COX7A2L: variants seen among roughly 807,000 people sequenced by gnomAD.
The protein encoded by COX7A2L is cytochrome c oxidase subunit 7A2 like, also known as cytochrome c oxidase subunit 7A2-like, mitochondrial.
A neutral mutation model predicts 14.2 loss-of-function variants in COX7A2L; 18 were observed. The ratio of observed to expected loss-of-function variants is 1.27; its 90% CI spans 0.88 to 1.88. The LOEUF (loss-of-function observed/expected upper bound fraction) is 1.88. Among genes scored for constraint, COX7A2L ranks in the 40% most tolerant of loss-of-function variants. COX7A2L has a pLI of 0.00. For missense variants in COX7A2L, 179 were observed against 138.8 expected (o/e 1.29, Z -1.46); for synonymous variants, 65 against 57.4 (o/e 1.13, Z -0.60).
At chr2:42,364,957 T>C (rs542426805), upstream of COX7A2L, among the ~76,000 whole-genome samples, 24 of 152,318 alleles carry the variant, frequency 1.6e-4, no homozygotes, top group Admixed American at 1.1e-3. Context: ...TATGTGCAAG[T>C]CAAAAGCACA....
At chr2:42,357,570 C>T (rs946565770) in intron 1 of COX7A2L, among the ~76,000 whole-genome samples, 1 of 152,070 alleles carries the variant, frequency 6.6e-6, no homozygotes, top group Admixed American at 6.6e-5. Flanking sequence ...CCCTGGCCTC[C>T]GGAAACACTG....
At chr2:42,353,473 A>G (rs1242747345) in intron 1 of COX7A2L, 130 bp from the exon 2 acceptor site, 2 of 1,229,670 alleles carry the variant, frequency 1.6e-6, no homozygotes, top group Non-Finnish European at 2.3e-6. Context: ...AAACCCTGTC[A>G]AGAACCCCTT....
upstream of COX7A2L, chr2:42,361,353 A>G (rs1671045032): frequency 1.8e-6 from 1 of 566,736 alleles, no homozygotes; most frequent in Non-Finnish European, 3.1e-6. Context: ...GGTTCTCAGG[A>G]CCACGAAAGG....
rs1670330263 is a variant in COX7A2L, at chr2:42,338,417, T to C, written c.193-4548A>G. 6.6e-6 allele frequency among the ~76,000 whole-genome samples: 1 copy of C among 152,114 alleles called. No homozygotes were observed. The highest frequency in any genetic ancestry group is 2.4e-5 in the African/African-American group (1 of 41,420). On this transcript the variant is annotated intron_variant, in intron 2 of 2. Coordinates refer to the COX7A2L transcript ENST00000468711. This position sits in a 1 kb window ranked among gnomAD's most constrained non-coding sequence, Gnocchi z 4.4. The stretch of plus-strand genomic sequence containing the variant: ...TCCCAAGACTGCCGCAGAACTGAGA[T>C]GAGGTGACCAGGCTTTCTCCGAGAG...
At position 42,342,883 on chromosome 2, in the gene COX7A2L, A is replaced by G. The variant is rs144131590; in HGVS notation, c.193-9014T>C. 2.7e-3 allele frequency among the ~76,000 whole-genome samples: 410 copies of G among 152,186 alleles called. 3 individuals are homozygous for G. The highest frequency in any genetic ancestry group is 8.4e-3 in the African/African-American group (348 of 41,522). Reference sequence around the variant, plus strand: ...TGGGCAAGCAGCATCTGGGCCCCCCACCTGCCCATCCCAACACATCCTGCA... The same window carrying G: ...TGGGCAAGCAGCATCTGGGCCCCCCGCCTGCCCATCCCAACACATCCTGCA... On this transcript the variant is annotated intron_variant, in intron 2 of 2. Transcript: ENST00000468711. This position sits in a 1 kb window ranked among gnomAD's most constrained non-coding sequence, Gnocchi z 4.9.
intron 2 of COX7A2L, 22 bp from the exon 3 acceptor site, chr2:42,351,381 G>C: frequency 2.5e-6 from 4 of 1,607,634 alleles, no homozygotes; most frequent in Non-Finnish European, 3.4e-6. Context: ...GAATTAACAA[G>C]GGCATGGTTG....
At chr2:42,363,116 T>G (rs1474308786), upstream of COX7A2L, among the ~76,000 whole-genome samples, 1 of 152,212 alleles carries the variant, frequency 6.6e-6, no homozygotes, top group Admixed American at 6.5e-5. Flanking sequence ...GCTCAAGTGA[T>G]CTGCCAAACT....
At chr2:42,344,365 C>T (rs902962496), downstream of COX7A2L, among the ~76,000 whole-genome samples, 2 of 152,162 alleles carry the variant, frequency 1.3e-5, no homozygotes, top group Non-Finnish European at 2.9e-5. Flanking sequence ...AACATTTACC[C>T]TACTACAACT....
upstream of COX7A2L, among the ~76,000 whole-genome samples, chr2:42,362,940 T>C (rs1259261275): frequency 6.7e-6 from 1 of 148,862 alleles, no homozygotes; most frequent in Non-Finnish European, 1.5e-5. Context: ...AGTGGTGTGA[T>C]CTCGGCTCAT....
In COX7A2L at chr2:42,351,193, AAC is replaced by A; in HGVS notation, c.*24_*25del. The A allele has an allele frequency of 2.5e-6, 4 of 1,595,378 alleles. No individual in the cohort carries two copies. The highest frequency in any genetic ancestry group is 3.4e-6 in the Non-Finnish European group (4 of 1,171,232). On this transcript the variant is annotated 3_prime_UTR_variant, in exon 3 of 3. Coordinates refer to ENST00000234301, the MANE Select transcript of COX7A2L (RefSeq NM_004718.4). ...GAACTTCAAAGGGTTTATGCCAAAA[AAC>A]AAACCAGTCCTCTGCAGCCTAACTC...
At position 42,351,161 on chromosome 2, in the gene COX7A2L, GA is replaced by G. The variant is rs1670629210; in HGVS notation, c.*57del. 8 of 1,497,128 alleles carry G rather than the reference GA, an allele frequency of 5.3e-6. No homozygotes were observed. In the East Asian group the frequency reaches 1.4e-4, roughly 27 times the overall value. The allele number at this position is 1,497,128 out of a possible 1,614,324, so 92.7% of individuals were successfully genotyped here. On this transcript the variant is annotated 3_prime_UTR_variant, in exon 3 of 3. Transcript: ENST00000234301. ...AAAAAAAAAATTTTAATTTAACAAT[GA>G]AAAAGGAACTTCAAAGGGTTTATGC...
Position 42,338,411 on chromosome 2 carries a change from C to T in COX7A2L, c.193-4542G>A, listed in dbSNP as rs1190051949. On this transcript the variant is annotated intron_variant, in intron 2 of 2. Coordinates refer to the COX7A2L transcript ENST00000468711. The surrounding 1 kb of genome is among the most constrained non-coding windows in gnomAD (Gnocchi z 4.4). ...GAGCCCTCCCAAGACTGCCGCAGAA[C>T]TGAGATGAGGTGACCAGGCTTTCTC... Among the ~76,000 whole-genome samples the T allele has an allele frequency of 6.6e-6, 1 of 152,196 alleles. No homozygotes were observed. Among genetic ancestry groups the T allele is most frequent in the Non-Finnish European group, 1.5e-5 (1 of 68,034 alleles).
intron 2 of COX7A2L, 184 bp downstream of exon 2, chr2:42,353,028 C>G: frequency 1.4e-6 from 1 of 698,250 alleles, no homozygotes; most frequent in South Asian, 2.1e-5. Flanking sequence ...ACCCTCCCCT[C>G]TTTTATCAGT....
In COX7A2L at chr2:42,351,146, T is replaced by C; in HGVS notation, c.*73A>G. The C allele has an allele frequency of 7.2e-7, 1 of 1,391,898 alleles. No homozygotes were observed. Among genetic ancestry groups the C allele is most frequent in the Non-Finnish European group, 9.6e-7 (1 of 1,041,934 alleles). 86.2% of individuals were successfully genotyped at this position (1,391,898 alleles called of 1,614,324 possible). A position where few individuals can be genotyped will look rare whatever the true frequency, so the allele number is the denominator to read the frequency against. On this transcript the variant is annotated 3_prime_UTR_variant, in exon 3 of 3. Coordinates refer to ENST00000234301, the MANE Select transcript of COX7A2L (RefSeq NM_004718.4). ...TAAGCCATCCAAGTAAAAAAAAAAA[T>C]TTTAATTTAACAATGAAAAAGGAAC...
At chr2:42,363,008 G>A (rs1460866299), upstream of COX7A2L, among the ~76,000 whole-genome samples, 1 of 151,714 alleles carries the variant, frequency 6.6e-6, no homozygotes, top group African/African-American at 2.4e-5. Context: ...CCGGGTAGCT[G>A]GAACCACAGA....
chr2:42,354,029 C>G (rs932804059), intron 1 of COX7A2L, among the ~76,000 whole-genome samples: 2 of 152,082 alleles, frequency 1.3e-5, no homozygotes, highest in Admixed American at 1.3e-4. Context: ...ACAGCAAAGT[C>G]AGAAGAGGGA....
upstream of COX7A2L, among the ~76,000 whole-genome samples, chr2:42,364,294 TA>T (rs969669523): frequency 1.4e-5 from 2 of 142,258 alleles, no homozygotes; most frequent in Admixed American, 6.9e-5. Flanking sequence ...CTGGCAGAGA[TA>T]AAAAAACATG....
At chr2:42,352,931 T>C (rs3764907) in intron 2 of COX7A2L, 145,356 of 482,006 alleles carry the variant, frequency 0.3, 24,250 homozygotes, top group East Asian at 0.55. Context: ...ATTGAGGCTA[T>C]TGCTTCTTCC....
upstream of COX7A2L, among the ~76,000 whole-genome samples, chr2:42,363,663 A>G (rs139924250): frequency 6.6e-6 from 1 of 152,366 alleles, no homozygotes; most frequent in Non-Finnish European, 1.5e-5. Flanking sequence ...CATTTCCCAA[A>G]TAAAACACAG....
Sources: allele counts gnomAD v4.1 joint callset (sites outside exome capture counted in the v4.1 genomes callset), GRCh38; gene constraint gnomAD v4.1.1; non-coding constraint Gnocchi (gnomAD v3.1); transcripts MANE v1.5; gene names NCBI Gene and HGNC (gene_info 2026-07-23, HGNC 2026-07-21).